CEP112: variants seen among roughly 807,000 people sequenced by gnomAD.
CEP112 encodes the protein centrosomal protein 112.
A neutral mutation model predicts 153.0 loss-of-function variants in CEP112; 127 were observed. That is an observed-to-expected ratio of 0.83 (90% CI 0.72 to 0.96). The LOEUF is 0.96. Among genes scored for constraint, CEP112 ranks in the 40% least tolerant of loss-of-function variants. CEP112 has a pLI of 0.00. For synonymous variants in CEP112, 358 were observed against 374.4 expected, an observed-to-expected ratio of 0.96 and a Z score of 0.51; for missense variants, 1,089 against 1,101.2, an observed-to-expected ratio of 0.99 and a Z score of 0.16.
chr17:65,920,204 G>C (rs6504374), intron 19 of CEP112, among the ~76,000 whole-genome samples: 1 of 150,102 alleles, frequency 6.7e-6, no homozygotes, highest in Non-Finnish European at 1.5e-5. Flanking sequence ...AATTAGCCAG[G>C]AGTGGTGGCG....
chr17:65,907,149 A>C (rs1222447712), intron 19 of CEP112, among the ~76,000 whole-genome samples: 1 of 152,234 alleles, frequency 6.6e-6, no homozygotes, highest in Non-Finnish European at 1.5e-5. Flanking sequence ...ACACATGACT[A>C]GAACTAGCTG....
chr17:65,781,470 T>A (rs2053992134), intron 21 of CEP112, among the ~76,000 whole-genome samples: 2 of 152,066 alleles, frequency 1.3e-5, no homozygotes. Flanking sequence ...AATCTACCAA[T>A]GTCATTTTTC....
At position 66,093,191 on chromosome 17, in the gene CEP112, T is replaced by C. The variant is rs200356774; in HGVS notation, c.768+3060A>G. Among the ~76,000 whole-genome samples the C allele has an allele frequency of 1.8e-4, 27 of 151,910 alleles. No homozygotes were observed. In the East Asian group the frequency reaches 3.9e-3, roughly 22 times the overall value. ...TCTACCAAAAAAATAAAATTATATA[T>C]ATATATGGCACACAGTGGCAAATGC... On this transcript the variant is annotated intron_variant, in intron 8 of 26. Transcript: ENST00000535342.
chr17:65,871,415 C>A (rs1392623366), intron 20 of CEP112, among the ~76,000 whole-genome samples: 1 of 152,148 alleles, frequency 6.6e-6, no homozygotes, highest in Non-Finnish European at 1.5e-5. Context: ...GCAGGCAGAT[C>A]ACGAGGTCAG....
chr17:66,078,258 TTTTTC>T (rs755716806), intron 8 of CEP112, among the ~76,000 whole-genome samples: 12,372 of 74,966 alleles, frequency 0.17, 500 homozygotes, highest in East Asian at 0.46. Context: ...TTTTCTTTTC[TTTTTC>T]TTTTTTTTTT....
chr17:65,925,182 C>T (rs1038007439), intron 19 of CEP112, among the ~76,000 whole-genome samples: 17 of 152,172 alleles, frequency 1.1e-4, no homozygotes, highest in Non-Finnish European at 2.9e-5. Context: ...CTCACAAGAT[C>T]CGACGGTTTT....
intron 18 of CEP112, among the ~76,000 whole-genome samples, chr17:65,954,061 T>C (rs965019632): frequency 1.3e-5 from 2 of 152,110 alleles, no homozygotes; most frequent in African/African-American, 2.4e-5. Context: ...ACCAGCGCAC[T>C]AAACAAAAAC....
chr17:66,145,329 G>C (rs1324329552), intron 4 of CEP112, among the ~76,000 whole-genome samples: 7 of 152,026 alleles, frequency 4.6e-5, no homozygotes, highest in Middle Eastern at 3.2e-3. Context: ...CTCCCATTCT[G>C]TACCCTGCCA....
chr17:65,662,177 C>T (rs370929200), intron 24 of CEP112, among the ~76,000 whole-genome samples: 2 of 152,080 alleles, frequency 1.3e-5, no homozygotes, highest in African/African-American at 4.8e-5. Flanking sequence ...CCATGTTGCC[C>T]AGCCTGGTGG....
At chr17:65,734,824 A>C (rs185371155) in intron 23 of CEP112, among the ~76,000 whole-genome samples, 33 of 152,356 alleles carry the variant, frequency 2.2e-4, no homozygotes, top group African/African-American at 7.9e-4. Context: ...AAAACTTGAC[A>C]AGTGGTAGCT....
chr17:65,700,963 C>T lies in CEP112; in HGVS notation c.2608-11745G>A, dbSNP rs571286554. Among the ~76,000 whole-genome samples, 7 of 152,228 alleles carry T rather than the reference C, an allele frequency of 4.6e-5. No homozygotes were observed. In the East Asian group the frequency reaches 1.3e-3, roughly 29 times the overall value. ...CAGGAATACAGAATGAGGCTTAGGA[C>T]ATTAAATTTTCGGTCAATGAGAAAT... On this transcript the variant is annotated intron_variant, in intron 23 of 26. Transcript: ENST00000535342.
At chr17:65,867,125 A>C (rs951456384) in intron 20 of CEP112, among the ~76,000 whole-genome samples, 96 of 152,264 alleles carry the variant, frequency 6.3e-4, no homozygotes, top group African/African-American at 2.0e-3. Flanking sequence ...TGGGTGCCAC[A>C]CCACATTCCC....
rs78126455 is a variant in CEP112, at chr17:65,667,507, C to T, written c.2697+21622G>A. Among the ~76,000 whole-genome samples, 935 of 152,020 alleles carry T rather than the reference C, an allele frequency of 6.2e-3. 4 individuals are homozygous for T. Among genetic ancestry groups the T allele is most frequent in the East Asian group, 0.042 (215 of 5,162 alleles). On this transcript the variant is annotated intron_variant, in intron 24 of 26. Transcript: ENST00000535342. Reference sequence around the variant, plus strand: ...CAAAAAAATATATATTATTTTCACTCGTACATCTATAATTTAAGAAGGATA... The same window carrying T: ...CAAAAAAATATATATTATTTTCACTTGTACATCTATAATTTAAGAAGGATA...
At chr17:66,147,345 GT>G (rs887515759) in intron 4 of CEP112, among the ~76,000 whole-genome samples, 6 of 151,732 alleles carry the variant, frequency 4.0e-5, no homozygotes, top group Admixed American at 3.9e-4. Context: ...TTTTAATCTA[GT>G]TTTTTTTATT....
At chr17:65,758,672 T>C (rs958448986) in intron 21 of CEP112, among the ~76,000 whole-genome samples, 4 of 152,190 alleles carry the variant, frequency 2.6e-5, no homozygotes, top group African/African-American at 7.2e-5. Context: ...ATAATAGCTA[T>C]GTCTTTAAAA....
chr17:66,121,239 G>A (rs2069569735), intron 6 of CEP112, among the ~76,000 whole-genome samples: 1 of 151,060 alleles, frequency 6.6e-6, no homozygotes, highest in African/African-American at 2.4e-5. Flanking sequence ...TCGTGCCATT[G>A]CACTCTAGCC....
chr17:66,032,978 T>C (rs1020926202), intron 12 of CEP112, among the ~76,000 whole-genome samples: 2 of 152,184 alleles, frequency 1.3e-5, no homozygotes, highest in Non-Finnish European at 2.9e-5. Context: ...TAATAACAGA[T>C]GCATACATTC....
chr17:65,985,671 T>C (rs981256367), intron 17 of CEP112, among the ~76,000 whole-genome samples: 11 of 152,186 alleles, frequency 7.2e-5, no homozygotes, highest in Non-Finnish European at 1.3e-4. Flanking sequence ...ATGATGTTTC[T>C]GGAGTAAAAG....
rs1303656195 is a variant in CEP112 at position 65,958,574 on chromosome 17, C to CACA, written c.1872+2888_1872+2889insTGT. Among the ~76,000 whole-genome samples the CACA allele has an allele frequency of 1.6e-4, 7 of 44,254 alleles. No homozygotes were observed. In the Admixed American group the frequency reaches 3.1e-3, roughly 20 times the overall value. The allele number at this position is 44,254 out of a possible 152,430, so 29.0% of individuals were successfully genotyped here. On this transcript the variant is annotated intron_variant, in intron 18 of 26. Transcript: ENST00000535342. ...AGTTAGGGCTGAGCCTGGGTGCTGT[C>CACA]GCATGCCAGCCCCCTGCTGCCTCAG...
Sources: allele counts gnomAD v4.1 joint callset (sites outside exome capture counted in the v4.1 genomes callset), GRCh38; gene constraint gnomAD v4.1.1; transcripts MANE v1.5; gene names NCBI Gene and HGNC (gene_info 2026-07-23, HGNC 2026-07-21).